MAP3K3: variants seen among roughly 807,000 people sequenced by gnomAD.
MAP3K3 encodes the protein mitogen-activated protein kinase kinase kinase 3, also known as MAP/ERK kinase kinase 3.
Under a neutral mutation model 80.9 loss-of-function variants are expected in MAP3K3, and 12 were observed. That is an observed-to-expected ratio of 0.15 (90% CI 0.10 to 0.24). The LOEUF (loss-of-function observed/expected upper bound fraction) is 0.24. Ranked by LOEUF, MAP3K3 falls within the 10% of genes least tolerant of loss-of-function variation. MAP3K3 has a pLI of 1.00. For synonymous variants in MAP3K3, 272 were observed against 307.1 expected (o/e 0.89, Z 1.19); for missense variants, 596 against 834.7 (o/e 0.71, Z 3.52).
At chr17:63,643,234 G>A (rs2034479738) in intron 2 of MAP3K3, among the ~76,000 whole-genome samples, 1 of 151,962 alleles carries the variant, frequency 6.6e-6, no homozygotes, top group South Asian at 2.1e-4. Context: ...GCTGGGTGTG[G>A]TGGCTCATGC....
intron 2 of MAP3K3, among the ~76,000 whole-genome samples, chr17:63,638,577 C>G (rs2034378798): frequency 6.6e-6 from 1 of 152,232 alleles, no homozygotes; most frequent in Admixed American, 6.5e-5. Flanking sequence ...CGACAGCCCG[C>G]ACTGTCTCTC....
rs1006020517 is a variant in MAP3K3, at chr17:63,691,175, G to A, written c.1286G>A (p.Gly429Asp). The A allele has an allele frequency of 1.2e-6, 2 of 1,614,202 alleles. No individual in the cohort carries two copies. The highest frequency in any genetic ancestry group is 1.7e-6 in the Non-Finnish European group (2 of 1,180,038). Residue 429 changes from glycine (G) to aspartate (D), a missense_variant, in exon 13 of 16, where the codon GGC becomes GAC. Physicochemically the swap from Gly to Asp is moderately conservative, Grantham distance 94. This residue lies in a region of MAP3K3 where 364 missense variants were observed against 588.9 expected (regional missense o/e 0.62). Transcript: ENST00000361733. This position sits in a 1 kb window ranked among gnomAD's most constrained non-coding sequence, Gnocchi z 4.8. Reference protein sequence around the residue: ...LQHERIVQYYGCLRDRAEKTL... With the variant: ...LQHERIVQYYDCLRDRAEKTL... ...CATGAGCGCATCGTGCAGTACTATG[G>A]CTGTCTGCGGGACCGCGCTGAGAAG...
chr17:63,691,705 G>T lies in MAP3K3; in HGVS notation c.1345-28G>T. On this transcript the variant is annotated intron_variant, in intron 13 of 15. Coordinates refer to ENST00000361733, the MANE Select transcript of MAP3K3 (RefSeq NM_002401.5). The surrounding 1 kb of genome is among the most constrained non-coding windows in gnomAD (Gnocchi z 4.8). ...CCCTCCACCAGCCCTCCCCTGAGGG[G>T]ACTCCTCTGACTTCTTGTGGCCTCC... 5 of 1,606,712 alleles carry T rather than the reference G, an allele frequency of 3.1e-6. No homozygotes were observed. Among genetic ancestry groups the T allele is most frequent in the Non-Finnish European group, 4.3e-6 (5 of 1,174,598 alleles).
At chr17:63,687,786 G>A (rs567099639) in intron 8 of MAP3K3, among the ~76,000 whole-genome samples, 2 of 147,798 alleles carry the variant, frequency 1.4e-5, no homozygotes, top group South Asian at 2.2e-4. Context: ...TCAAGAGATC[G>A]AGACCATCTT....
At chr17:63,660,639 C>G (rs1462350924) in intron 5 of MAP3K3, among the ~76,000 whole-genome samples, 2 of 151,284 alleles carry the variant, frequency 1.3e-5, no homozygotes, top group African/African-American at 4.9e-5. Flanking sequence ...GTTGCCCAGG[C>G]TGGAGTGCAG....
intron 7 of MAP3K3, 115 bp from the exon 8 acceptor site, chr17:63,685,402 G>A: frequency 2.5e-6 from 2 of 803,510 alleles, no homozygotes; most frequent in Admixed American, 3.6e-5. Context: ...GGGAGAAAAA[G>A]GACACTTTCA....
chr17:63,689,294 T>A lies in MAP3K3; in HGVS notation c.872-250T>A. Reference sequence around the variant, plus strand: ...CACCTTCCCTTTGGCCAGATCTCCCTGAACCAGACTACTTCCTAATTTCTG... The same window carrying A: ...CACCTTCCCTTTGGCCAGATCTCCCAGAACCAGACTACTTCCTAATTTCTG... On this transcript the variant is annotated intron_variant, in intron 10 of 15. Transcript: ENST00000361733. The surrounding 1 kb of genome is among the most constrained non-coding windows in gnomAD (Gnocchi z 4.3). The A allele has an allele frequency of 1.8e-6, 1 of 557,518 alleles. No homozygotes were observed. Among genetic ancestry groups the A allele is most frequent in the East Asian group, 3.0e-5 (1 of 33,214 alleles). 34.5% of individuals were successfully genotyped at this position (557,518 alleles called of 1,614,324 possible). A position where few individuals can be genotyped will look rare whatever the true frequency, so the allele number is the denominator to read the frequency against.
chr17:63,680,542 G>A (rs2035308587), intron 6 of MAP3K3, among the ~76,000 whole-genome samples: 1 of 152,170 alleles, frequency 6.6e-6, no homozygotes, highest in Admixed American at 6.5e-5. Flanking sequence ...ATCATGGAAA[G>A]CAACACAGCC....
intron 2 of MAP3K3, among the ~76,000 whole-genome samples, chr17:63,643,748 A>G (rs1190800290): frequency 2.0e-5 from 3 of 152,186 alleles, no homozygotes; most frequent in Non-Finnish European, 4.4e-5. Flanking sequence ...AGCACTTGGG[A>G]TACTCCAGAT....
intron 6 of MAP3K3, among the ~76,000 whole-genome samples, chr17:63,679,734 A>G (rs1167965390): frequency 6.6e-6 from 1 of 152,100 alleles, no homozygotes; most frequent in African/African-American, 2.4e-5. Context: ...TGCCTCTCGA[A>G]GTGTCGGGAT....
chr17:63,688,895 C>T lies in MAP3K3; in HGVS notation c.871+14C>T, dbSNP rs1268492064. ...ACTACAGTGATGGTGAGTTCTTCTT[C>T]ACCTGCTCCCTGCTGGCTGCCTCAA... On this transcript the variant is annotated intron_variant, in intron 10 of 15. Coordinates refer to ENST00000361733, the MANE Select transcript of MAP3K3 (RefSeq NM_002401.5). 1.1e-5 allele frequency: 18 copies of T among 1,596,280 alleles called. No homozygotes were observed. Among genetic ancestry groups the T allele is most frequent in the Non-Finnish European group, 1.5e-5 (18 of 1,163,892 alleles).
At chr17:63,686,538 C>T (rs778348455) in intron 8 of MAP3K3, among the ~76,000 whole-genome samples, 2 of 152,102 alleles carry the variant, frequency 1.3e-5, no homozygotes, top group African/African-American at 2.4e-5. Flanking sequence ...TGGATTATCT[C>T]CTAAGCTTTG....
At chr17:63,624,759 AC>A (rs1308886547) in intron 1 of MAP3K3, among the ~76,000 whole-genome samples, 1 of 152,236 alleles carries the variant, frequency 6.6e-6, no homozygotes, top group Admixed American at 6.5e-5. Flanking sequence ...AGCTTTCTTC[AC>A]TTTCCCCCAT....
intron 3 of MAP3K3, among the ~76,000 whole-genome samples, chr17:63,650,999 C>T (rs2034644680): frequency 6.6e-6 from 1 of 151,924 alleles, no homozygotes; most frequent in Admixed American, 6.6e-5. Context: ...TCTGTATTTT[C>T]TTATATAAAT....
chr17:63,662,340 G>A (rs1030924151), intron 5 of MAP3K3, among the ~76,000 whole-genome samples: 1 of 150,308 alleles, frequency 6.7e-6, no homozygotes, highest in African/African-American at 2.4e-5. Flanking sequence ...ACCTGAGGCC[G>A]GGAGGTTGAG....
At position 63,693,404 on chromosome 17, in the gene MAP3K3, A is replaced by G. The variant is rs2035632939; in HGVS notation, c.1653-145A>G. Reference sequence around the variant, plus strand: ...GTAGGTCCATGAAGCCCACGTGGACAGACATCCAAGCTGAGGTATCCCTCA... The same window carrying G: ...GTAGGTCCATGAAGCCCACGTGGACGGACATCCAAGCTGAGGTATCCCTCA... On this transcript the variant is annotated intron_variant, in intron 15 of 15. Coordinates refer to ENST00000361733, the MANE Select transcript of MAP3K3 (RefSeq NM_002401.5). This position sits in a 1 kb window ranked among gnomAD's most constrained non-coding sequence, Gnocchi z 4.2. 1 of 627,548 alleles carries G rather than the reference A, an allele frequency of 1.6e-6. No individual in the cohort carries two copies. Among genetic ancestry groups the G allele is most frequent in the Admixed American group, 3.2e-5 (1 of 30,906 alleles). 38.9% of individuals were successfully genotyped at this position (627,548 alleles called of 1,614,324 possible).
intron 6 of MAP3K3, chr17:63,672,747 A>C (rs984700915): frequency 1.3e-5 from 2 of 152,432 alleles, no homozygotes; most frequent in East Asian, 1.9e-4. Context: ...GTAGGAAAGG[A>C]AATTAGGAGT....
Position 63,689,117 on chromosome 17 carries a change from C to T in MAP3K3, c.871+236C>T. 1 of 583,940 alleles carries T rather than the reference C, an allele frequency of 1.7e-6. No homozygotes were observed. Among genetic ancestry groups the T allele is most frequent in the Non-Finnish European group, 3.0e-6 (1 of 328,774 alleles). The allele number at this position is 583,940 out of a possible 1,614,324, so 36.2% of individuals were successfully genotyped here. A position where few individuals can be genotyped will look rare whatever the true frequency, so the allele number is the denominator to read the frequency against. On this transcript the variant is annotated intron_variant, in intron 10 of 15. Transcript: ENST00000361733. This position sits in a 1 kb window ranked among gnomAD's most constrained non-coding sequence, Gnocchi z 4.3. ...CCTTGTTTGAAGCCAGTGGTGTGCT[C>T]CAGGGGCACCATCTCTCCCATGTCC...
intron 6 of MAP3K3, among the ~76,000 whole-genome samples, chr17:63,669,376 C>T (rs2035058701): frequency 6.6e-6 from 1 of 152,122 alleles, no homozygotes; most frequent in South Asian, 2.1e-4. Context: ...TTCTAAGGGA[C>T]TCTCAGCTGC....
Sources: allele counts gnomAD v4.1 joint callset (sites outside exome capture counted in the v4.1 genomes callset), GRCh38; gene constraint gnomAD v4.1.1; regional missense constraint gnomAD v4.1.1; non-coding constraint Gnocchi (gnomAD v3.1); transcripts MANE v1.5; gene names NCBI Gene and HGNC (gene_info 2026-07-23, HGNC 2026-07-21).